The following IGHMBP2 variants were observed in gnomAD, a reference collection of about 807,000 sequenced individuals.
The protein encoded by IGHMBP2 is DNA-binding protein SMUBP-2.
Under a neutral mutation model 96.0 loss-of-function variants are expected in IGHMBP2, and 81 were observed. That is an observed-to-expected ratio of 0.84 (90% CI 0.71 to 1.01). The LOEUF (loss-of-function observed/expected upper bound fraction) is 1.01. Ranked by LOEUF, IGHMBP2 falls within the 50% of genes least tolerant of loss-of-function variation. IGHMBP2 has a pLI of 0.00. For synonymous variants in IGHMBP2, 557 were observed against 548.9 expected, an observed-to-expected ratio of 1.01 and a Z score of -0.21; for missense variants, 1,227 against 1,306.3, an observed-to-expected ratio of 0.94 and a Z score of 0.94.
intron 8 of IGHMBP2, chr11:68,930,353 C>G: frequency 7.8e-7 from 1 of 1,289,814 alleles, no homozygotes; most frequent in Non-Finnish European, 1.0e-6. Flanking sequence ...TCGTTGTTTT[C>G]CGAGGACCGG....
At chr11:68,934,619 G>T in intron 11 of IGHMBP2, 61 bp downstream of exon 11, 1 of 1,261,820 alleles carries the variant, frequency 7.9e-7, no homozygotes. Context: ...CCTAGAGGGT[G>T]AAAGAAAAAG....
rs75757249 is a variant in IGHMBP2 at position 68,932,983 on chromosome 11, C to T, written c.1236-316C>T. ...TCGGTGACCTTCTCTGACTGACCCT[C>T]GCATGCCCCCTTATAAGACCCTTGG... On this transcript the variant is annotated intron_variant, in intron 8 of 14. Coordinates refer to ENST00000255078, the MANE Select transcript of IGHMBP2 (RefSeq NM_002180.3). The T allele has an allele frequency of 2.8e-3, 1,277 of 451,574 alleles. 35 individuals are homozygous for T. The East Asian group carries it at 0.049, about 17-fold the overall frequency. 28.0% of individuals were successfully genotyped at this position (451,574 alleles called of 1,614,324 possible).
At chr11:68,931,752 T>C (rs1859311014) in intron 8 of IGHMBP2, among the ~76,000 whole-genome samples, 1 of 152,182 alleles carries the variant, frequency 6.6e-6, no homozygotes, top group Non-Finnish European at 1.5e-5. Context: ...CAGTGGCTTC[T>C]TCCAGGGAGA....
chr11:68,919,709 A>G (rs1858808163), intron 7 of IGHMBP2, among the ~76,000 whole-genome samples: 1 of 152,214 alleles, frequency 6.6e-6, no homozygotes, highest in Non-Finnish European at 1.5e-5. Context: ...TTTTTCCTGC[A>G]GTTCTATTGG....
At chr11:68,917,445 G>C (rs1384229114) in intron 6 of IGHMBP2, among the ~76,000 whole-genome samples, 2 of 152,194 alleles carry the variant, frequency 1.3e-5, no homozygotes, top group African/African-American at 2.4e-5. Flanking sequence ...TCTTCCCCAA[G>C]ATCAAATGCC....
At chr11:68,922,451 C>G (rs926073914) in intron 7 of IGHMBP2, among the ~76,000 whole-genome samples, 1 of 151,646 alleles carries the variant, frequency 6.6e-6, no homozygotes, top group Non-Finnish European at 1.5e-5. Context: ...ACTGGAGTGC[C>G]GTGGCGCAAT....
chr11:68,909,523 C>A (rs368684383), intron 4 of IGHMBP2, among the ~76,000 whole-genome samples: 1 of 151,288 alleles, frequency 6.6e-6, no homozygotes, highest in African/African-American at 2.4e-5. Context: ...GTATATAAAT[C>A]TTTTATTTTG....
rs762784435 is a variant in IGHMBP2 at position 68,923,492 on chromosome 11, G to A, written c.1060+5609G>A. ...TGCTGGGATTGGTGTGAGCCACCAC[G>A]CCCAGTCTCCTATAATATTCTTGTG... On this transcript the variant is annotated intron_variant, in intron 7 of 14. Coordinates refer to ENST00000255078, the MANE Select transcript of IGHMBP2 (RefSeq NM_002180.3). 3.9e-5 allele frequency among the ~76,000 whole-genome samples: 6 copies of A among 152,186 alleles called. No homozygotes were observed. In the East Asian group the frequency reaches 7.7e-4, roughly 20 times the overall value.
intron 6 of IGHMBP2, among the ~76,000 whole-genome samples, chr11:68,916,313 C>T (rs886403632): frequency 6.6e-6 from 1 of 152,150 alleles, no homozygotes; most frequent in African/African-American, 2.4e-5. Context: ...TCCATTCCAC[C>T]TTCTCCTTGT....
intron 2 of IGHMBP2, among the ~76,000 whole-genome samples, chr11:68,906,673 G>A (rs1304631837): frequency 2.6e-5 from 3 of 114,466 alleles, no homozygotes; most frequent in African/African-American, 7.3e-5. Flanking sequence ...ACAGAGTTTC[G>A]CTCTTATTGC....
At chr11:68,934,790 G>T (rs770509110) in intron 11 of IGHMBP2, among the ~76,000 whole-genome samples, 5 of 152,234 alleles carry the variant, frequency 3.3e-5, no homozygotes, top group Non-Finnish European at 7.3e-5. Context: ...TTCTGCACTG[G>T]CTTGTGTTCT....
Position 68,908,600 on chromosome 11 carries a change from C to T in IGHMBP2, c.516C>T (p.Gly172=), listed in dbSNP as rs1338970087. The change falls in exon 4 of 15, where the codon GGC becomes GGT. Residue 172 remains glycine, a synonymous_variant. Transcript: ENST00000255078. ...CCTCACTCATAGAAGTGCTCTTTGG[C>T]AGATCTGCTCCCAGTCCTGCCAGTG... ...PASSLIEVLF[G]RSAPSPASEI... 4 of 1,613,444 alleles carry T rather than the reference C, an allele frequency of 2.5e-6. No individual in the cohort carries two copies. The highest frequency in any genetic ancestry group is 3.3e-5 in the Admixed American group (2 of 59,994).
rs139871647 is a variant in IGHMBP2, at chr11:68,936,671, G to A, written c.2191G>A (p.Ala731Thr). The change falls in exon 13 of 15, where the codon GCC (alanine) becomes ACC (threonine). Residue 731 changes from alanine to threonine, a missense_variant. Transcript: ENST00000255078. ...CCAAGATGGCGTGGACCACTTCCGG[G>A]CCATGATAGTGGAGTTCATGGCCAG... The part of the protein sequence containing the change: ...ESQDGVDHFR[A>T]MIVEFMASKK... 29 of 1,613,904 alleles carry A rather than the reference G, an allele frequency of 1.8e-5. No individual in the cohort carries two copies. The African/African-American group carries it at 3.3e-4, about 19-fold the overall frequency.
intron 11 of IGHMBP2, among the ~76,000 whole-genome samples, chr11:68,934,974 G>GT (rs1362989567): frequency 6.6e-6 from 1 of 152,248 alleles, no homozygotes; most frequent in Non-Finnish European, 1.5e-5. Context: ...TAGGAAAAAT[G>GT]TACCTTCTGG....
chr11:68,938,399 G>A (rs1178177006), intron 14 of IGHMBP2, 45 bp downstream of exon 14: 2 of 1,541,788 alleles, frequency 1.3e-6, no homozygotes, highest in Admixed American at 3.8e-5. Flanking sequence ...GGGAGGGGTG[G>A]TGGGTTCCGT....
rs562446187 is a variant in IGHMBP2, at chr11:68,906,060, G to A, written c.87-9G>A. 27 of 1,613,756 alleles carry A rather than the reference G, an allele frequency of 1.7e-5. No homozygotes were observed. The East Asian group carries it at 5.8e-4, about 35-fold the overall frequency. On this transcript the variant is annotated splice_polypyrimidine_tract_variant and intron_variant, in intron 1 of 14. Coordinates refer to ENST00000255078, the MANE Select transcript of IGHMBP2 (RefSeq NM_002180.3). Reference sequence around the variant, plus strand: ...AAATCCTGAAGCATCAATACCGGGTGTCTTCCAGGTCCTGGCAGGAGAACA... The same window carrying A: ...AAATCCTGAAGCATCAATACCGGGTATCTTCCAGGTCCTGGCAGGAGAACA...
chr11:68,919,186 C>CGGAG (rs940389330), intron 7 of IGHMBP2, among the ~76,000 whole-genome samples: 3 of 141,992 alleles, frequency 2.1e-5, no homozygotes, highest in African/African-American at 7.4e-5. Context: ...TCTCCCCTCC[C>CGGAG]CTCCCCGTCC....
At chr11:68,929,714 G>C in intron 8 of IGHMBP2, 1 of 985,000 alleles carries the variant, frequency 1.0e-6, no homozygotes, top group Non-Finnish European at 1.2e-6. Context: ...CTGGCCTCTG[G>C]GTGGATGTGG....
At chr11:68,904,173 C>T in intron 1 of IGHMBP2, 135 bp downstream of exon 1, 1 of 755,516 alleles carries the variant, frequency 1.3e-6, no homozygotes, top group Non-Finnish European at 2.3e-6. Flanking sequence ...CAGGGATCGT[C>T]CGTCCCCTGC....
Sources: gnomAD v4.1 joint callset for allele counts (sites outside exome capture counted in the v4.1 genomes callset) on GRCh38, gnomAD v4.1.1 for gene constraint, MANE v1.5 for transcripts, NCBI Gene and HGNC (gene_info 2026-07-23, HGNC 2026-07-21) for gene names.